Variants in ERBIN observed in about 807,000 individuals in gnomAD.
ERBIN encodes the protein erbb2 interacting protein.
A neutral mutation model predicts 158.4 loss-of-function variants in ERBIN; 60 were observed. The ratio of observed to expected loss-of-function variants is 0.38; its 90% CI spans 0.31 to 0.47. The LOEUF (loss-of-function observed/expected upper bound fraction) is 0.47, where lower values mean the gene tolerates loss of function less well. Ranked by LOEUF, ERBIN falls within the 20% of genes least tolerant of loss-of-function variation. The pLI, the probability that ERBIN is intolerant of heterozygous loss-of-function variation, is 0.99. For missense variants in ERBIN, 1,610 were observed against 1,648.0 expected, an observed-to-expected ratio of 0.98 and a Z score of 0.40; for synonymous variants, 594 against 557.2, an observed-to-expected ratio of 1.07 and a Z score of -0.93.
In ERBIN at chr5:66,068,966, C is replaced by T. The variant is rs139892197; in HGVS notation, c.3634-3203C>T. 7.8e-6 allele frequency: 12 copies of T among 1,535,680 alleles called. No individual in the cohort carries two copies. In the Admixed American group the frequency reaches 7.8e-5, roughly 10 times the overall value. On this transcript the variant is annotated intron_variant, in intron 21 of 25. Coordinates refer to ENST00000284037, the MANE Select transcript of ERBIN (RefSeq NM_001253697.2). ...CTAGGGATCTGCATGGCAGCCAGGG[C>T]AGTCTTGCCTTGAGTGTTGCAGACA...
intron 7 of ERBIN, among the ~76,000 whole-genome samples, chr5:66,020,474 C>T (rs10075008): frequency 0.058 from 8,758 of 151,868 alleles, 884 homozygotes; most frequent in African/African-American, 0.2. Context: ...CTATATTTTG[C>T]TCTCATTTTG....
At chr5:66,034,930 G>C (rs1286228457) in intron 14 of ERBIN, among the ~76,000 whole-genome samples, 1 of 152,136 alleles carries the variant, frequency 6.6e-6, no homozygotes, top group African/African-American at 2.4e-5. Flanking sequence ...GTCAAAGACA[G>C]GAGTAAATGG....
intron 3 of ERBIN, among the ~76,000 whole-genome samples, chr5:65,993,507 T>C (rs1752104882): frequency 6.6e-6 from 1 of 152,156 alleles, no homozygotes. Context: ...TTTTTCAGTG[T>C]ACTTTTTCTT....
At chr5:65,956,486 C>T (rs1320141597) in intron 1 of ERBIN, among the ~76,000 whole-genome samples, 2 of 150,962 alleles carry the variant, frequency 1.3e-5, no homozygotes, top group Non-Finnish European at 3.0e-5. Flanking sequence ...AAGCGATTCA[C>T]CCACCTCAGC....
intron 1 of ERBIN, among the ~76,000 whole-genome samples, chr5:65,932,293 C>G (rs1021358429): frequency 6.7e-6 from 1 of 148,804 alleles, no homozygotes; most frequent in South Asian, 2.1e-4. Flanking sequence ...GAGCCGAGAT[C>G]GCGCCACTGC....
At chr5:65,977,058 G>A (rs1377857255) in intron 1 of ERBIN, among the ~76,000 whole-genome samples, 3 of 151,966 alleles carry the variant, frequency 2.0e-5, no homozygotes, top group African/African-American at 7.2e-5. Context: ...GGTGGTGGCC[G>A]GGCAGAGGGG....
chr5:66,054,412 A>C lies in ERBIN; in HGVS notation c.3094A>C (p.Asn1032His). 1 of 1,614,158 alleles carries C rather than the reference A, an allele frequency of 6.2e-7. No individual in the cohort carries two copies. The highest frequency in any genetic ancestry group is 1.7e-5 in the Admixed American group (1 of 60,012). Reference protein sequence around the residue: ...AKHSANMNFSNHNNVRANTAY... With the variant: ...AKHSANMNFSHHNNVRANTAY... ...ACATTCTGCCAATATGAATTTCTCT[A>C]ATCATAACAATGTTCGAGCTAATAC... Residue 1032 changes from asparagine to histidine, a missense_variant, in exon 21 of 26, where the codon AAT becomes CAT. By Grantham distance (68) the Asn-to-His change is moderately conservative (BLOSUM62 1). Transcript: ENST00000284037.
intron 23 of ERBIN, 31 bp downstream of exon 23, chr5:66,075,261 G>A: frequency 6.5e-7 from 1 of 1,541,420 alleles, no homozygotes; most frequent in East Asian, 2.3e-5. Context: ...TTGAAATATG[G>A]GACTAAGCTT....
chr5:66,035,282 C>G (rs1463321813), intron 14 of ERBIN, among the ~76,000 whole-genome samples: 3 of 152,152 alleles, frequency 2.0e-5, no homozygotes, highest in African/African-American at 4.8e-5. Context: ...CTTAACATTG[C>G]CACCTACATG....
rs1031807953 is a variant in ERBIN at position 66,075,373 on chromosome 5, G to A, written c.3963+143G>A. ...TTTATTTTTATGTTACGTTTATAAG[G>A]CGTTAAACTTGGTAATTTTTATTTG... On this transcript the variant is annotated intron_variant, in intron 23 of 25. Transcript: ENST00000284037. The A allele has an allele frequency of 9.8e-6, 7 of 713,360 alleles. No individual in the cohort carries two copies. The South Asian group carries it at 1.2e-4, about 12-fold the overall frequency. 44.2% of individuals were successfully genotyped at this position (713,360 alleles called of 1,614,324 possible).
At chr5:65,929,716 C>T (rs1743132417) in intron 1 of ERBIN, among the ~76,000 whole-genome samples, 1 of 150,692 alleles carries the variant, frequency 6.6e-6, no homozygotes, top group Non-Finnish European at 1.5e-5. Context: ...TCTCGACTCA[C>T]CACAACCTCC....
Position 65,994,781 on chromosome 5 carries a change from G to A in ERBIN, c.224G>A (p.Ser75Asn). ...LFNCQSLHKL[S>N]LPDNDLTTLP... ...AACTGTCAGTCTTTACACAAACTGA[G>A]TTTGCCAGACAATGATTTAACAACG... is the stretch of plus-strand genomic sequence containing the variant. Residue 75 changes from serine (S) to asparagine (N), a missense_variant, in exon 4 of 26, where the codon AGT becomes AAT. This residue lies in a region of ERBIN where 596 missense variants were observed against 711.9 expected (regional missense o/e 0.84). Transcript: ENST00000284037. 6.2e-7 allele frequency: 1 copy of A among 1,608,446 alleles called. No individual in the cohort carries two copies. The highest frequency in any genetic ancestry group is 1.1e-5 in the South Asian group (1 of 89,522).
chr5:65,947,067 C>CGTT (rs1369859826), intron 1 of ERBIN, among the ~76,000 whole-genome samples: 1 of 152,062 alleles, frequency 6.6e-6, no homozygotes, highest in African/African-American at 2.4e-5. Flanking sequence ...TTAATTCTAA[C>CGTT]AGCATCTTTT....
At chr5:65,927,214 TA>T (rs770148439) in intron 1 of ERBIN, among the ~76,000 whole-genome samples, 32 of 152,330 alleles carry the variant, frequency 2.1e-4, no homozygotes, top group Non-Finnish European at 3.7e-4. Context: ...GATTTGCTGT[TA>T]TTGAGATGGC....
chr5:66,025,362 CGTTT>C (rs1756127378), intron 10 of ERBIN, 114 bp from the exon 11 acceptor site: 1 of 768,086 alleles, frequency 1.3e-6, no homozygotes, highest in Non-Finnish European at 2.3e-6. Flanking sequence ...CTTTTAGATA[CGTTT>C]GTTAGGAAAG....
chr5:66,028,393 A>G (rs1756501739), intron 14 of ERBIN, 50 bp downstream of exon 14: 2 of 1,450,068 alleles, frequency 1.4e-6, no homozygotes, highest in Non-Finnish European at 1.9e-6. Context: ...TGTGTTATAT[A>G]GTTTTGCACT....
chr5:66,046,483 A>G lies in ERBIN; in HGVS notation c.1733A>G (p.Asn578Ser). ...CCTGGGAGTTTACCAGTGACTGCAA[A>G]TATGAAAGCCTCTGAGAACTTGAAG... ...ISPGSLPVTANMKASENLKHI... is the reference protein window; with the variant it reads ...ISPGSLPVTASMKASENLKHI... The change falls in exon 18 of 26, where the codon AAT becomes AGT. Residue 578 changes from asparagine to serine, a missense_variant. This residue lies in a region of ERBIN where 596 missense variants were observed against 711.9 expected (regional missense o/e 0.84). Coordinates refer to ENST00000284037, the MANE Select transcript of ERBIN (RefSeq NM_001253697.2). 2.5e-6 allele frequency: 4 copies of G among 1,611,128 alleles called. No homozygotes were observed. The highest frequency in any genetic ancestry group is 3.4e-6 in the Non-Finnish European group (4 of 1,178,316).
chr5:65,949,773 T>A (rs1746274863), intron 1 of ERBIN, among the ~76,000 whole-genome samples: 2 of 152,194 alleles, frequency 1.3e-5, no homozygotes, highest in African/African-American at 4.8e-5. Context: ...TCCACAAATG[T>A]CCTCTTGCTA....
intron 1 of ERBIN, among the ~76,000 whole-genome samples, chr5:65,978,623 A>G (rs1750300754): frequency 6.6e-6 from 1 of 152,240 alleles, no homozygotes; most frequent in Admixed American, 6.5e-5. Context: ...TAGGCGGATA[A>G]TATGGAGAGA....
Sources: allele counts gnomAD v4.1 joint callset (sites outside exome capture counted in the v4.1 genomes callset), GRCh38; gene constraint gnomAD v4.1.1; regional missense constraint gnomAD v4.1.1; transcripts MANE v1.5; gene names NCBI Gene and HGNC (gene_info 2026-07-23, HGNC 2026-07-21).